The following RANBP2 variants were observed in gnomAD, a reference collection of about 807,000 sequenced individuals.
The protein encoded by RANBP2 is E3 SUMO-protein ligase RanBP2.
Under a neutral mutation model 303.6 loss-of-function variants are expected in RANBP2, and 57 were observed. That is an observed-to-expected ratio of 0.19 (90% CI 0.15 to 0.23). The LOEUF (loss-of-function observed/expected upper bound fraction) is 0.23, where lower values mean the gene tolerates loss of function less well. Among genes scored for constraint, RANBP2 ranks in the 10% least tolerant of loss-of-function variants. The pLI is 1.00. For missense variants in RANBP2, 3,138 were observed against 3,780.8 expected (o/e 0.83, Z 4.46); for synonymous variants, 1,167 against 1,301.5 (o/e 0.90, Z 2.23).
chr2:109,293,769 C>T, the RANBP2 span, among the ~76,000 whole-genome samples: 14 of 152,170 alleles, frequency 9.2e-5, no homozygotes, highest in Admixed American at 9.2e-4. Context: ...CAGGGTGCAC[C>T]CTCTCCCAGC....
At chr2:109,184,442 G>C in the RANBP2 span, among the ~76,000 whole-genome samples, 2 of 152,344 alleles carry the variant, frequency 1.3e-5, no homozygotes. Context: ...CTATTGCTGT[G>C]GCGGGGCCCT....
the RANBP2 span, among the ~76,000 whole-genome samples, chr2:109,175,759 A>C: frequency 2.0e-5 from 3 of 152,248 alleles, no homozygotes; most frequent in Admixed American, 6.5e-5. Flanking sequence ...GTGTAATTGT[A>C]ATCTATTGGC....
chr2:109,279,661 T>A, the RANBP2 span, among the ~76,000 whole-genome samples: 1 of 152,240 alleles, frequency 6.6e-6, no homozygotes, highest in Non-Finnish European at 1.5e-5. Flanking sequence ...CACTGTTTCC[T>A]TTTGGAATTC....
the RANBP2 span, among the ~76,000 whole-genome samples, chr2:108,921,889 C>T: frequency 1.3e-5 from 2 of 152,258 alleles, no homozygotes; most frequent in Non-Finnish European, 2.9e-5. Flanking sequence ...TCTCTGCTGA[C>T]CTCCTTCAGG....
chr2:108,910,550 G>T, the RANBP2 span: 2 of 1,605,962 alleles, frequency 1.2e-6, no homozygotes, highest in South Asian at 1.1e-5. Flanking sequence ...GAAATGGGGA[G>T]GTTGGGGAGA....
the RANBP2 span, among the ~76,000 whole-genome samples, chr2:108,908,507 G>A: frequency 2.6e-5 from 4 of 152,166 alleles, no homozygotes; most frequent in Non-Finnish European, 5.9e-5. Flanking sequence ...CCTTGTGCCT[G>A]GAAAGCCCCC....
chr2:109,472,713 A>G, the RANBP2 span, among the ~76,000 whole-genome samples: 1 of 152,200 alleles, frequency 6.6e-6, no homozygotes, highest in Non-Finnish European at 1.5e-5. Flanking sequence ...AGGAGGCCAG[A>G]TTTTACAGAG....
chr2:108,879,155 A>G, the RANBP2 span, among the ~76,000 whole-genome samples: 14 of 152,332 alleles, frequency 9.2e-5, no homozygotes, highest in African/African-American at 2.9e-4. Context: ...AATTTTCTGT[A>G]GAGACAGGGT....
chr2:109,544,768 T>C, the RANBP2 span: 1 of 819,358 alleles, frequency 1.2e-6, no homozygotes, highest in Non-Finnish European at 1.5e-6. Flanking sequence ...AATACAGCTT[T>C]TATACTATTT....
At chr2:108,871,998 C>G in the RANBP2 span, among the ~76,000 whole-genome samples, 1 of 152,140 alleles carries the variant, frequency 6.6e-6, no homozygotes. Flanking sequence ...TAATTCCCCT[C>G]TCTCACACGT....
At position 108,764,334 on chromosome 2, in the gene RANBP2, A is replaced by G. The variant is rs748021677; in HGVS notation, c.3795A>G (p.Val1265=). Residue 1265 remains valine, a synonymous_variant, in exon 20 of 29, where the codon GTA becomes GTG. Coordinates refer to ENST00000283195, the MANE Select transcript of RANBP2 (RefSeq NM_006267.5). ...TPNAGSDRSF[V]WHALDYADEL... ...ATGCTGGATCAGACAGATCTTTTGT[A>G]TGGCATGCCCTTGATTATGCAGATG... is the stretch of plus-strand genomic sequence containing the variant. 1.9e-6 allele frequency: 3 copies of G among 1,613,802 alleles called. No homozygotes were observed. The highest frequency in any genetic ancestry group is 2.5e-6 in the Non-Finnish European group (3 of 1,179,988).
At chr2:109,108,274 C>T in the RANBP2 span, among the ~76,000 whole-genome samples, 18 of 151,756 alleles carry the variant, frequency 1.2e-4, 2 homozygotes, top group East Asian at 5.9e-4. Context: ...CTCTTGACCT[C>T]GTTATCCGCC....
chr2:109,758,435 A>G, the RANBP2 span, among the ~76,000 whole-genome samples: 18 of 136,396 alleles, frequency 1.3e-4, no homozygotes, highest in South Asian at 4.1e-3. Flanking sequence ...AATCCTCACA[A>G]TAAGTGTGCT....
chr2:109,086,236 C>T, the RANBP2 span, among the ~76,000 whole-genome samples: 6 of 152,038 alleles, frequency 3.9e-5, no homozygotes, highest in Admixed American at 2.0e-4. Flanking sequence ...GCTGAGCACT[C>T]GGGTGCAGGT....
At chr2:109,219,311 A>G in the RANBP2 span, among the ~76,000 whole-genome samples, 2 of 151,758 alleles carry the variant, frequency 1.3e-5, no homozygotes, top group Non-Finnish European at 2.9e-5. Context: ...GTGTAATTAC[A>G]TAAGGTTTCT....
the RANBP2 span, among the ~76,000 whole-genome samples, chr2:109,254,681 C>T: frequency 2.0e-5 from 3 of 152,160 alleles, no homozygotes; most frequent in Non-Finnish European, 4.4e-5. Flanking sequence ...AGCTGTACCC[C>T]CTAATGTTGG....
chr2:109,114,430 G>T, the RANBP2 span, among the ~76,000 whole-genome samples: 1 of 152,146 alleles, frequency 6.6e-6, no homozygotes, highest in Non-Finnish European at 1.5e-5. Flanking sequence ...AGAGGTGTTT[G>T]TAGTATTCTC....
At chr2:109,355,489 A>T in the RANBP2 span, among the ~76,000 whole-genome samples, 1 of 152,250 alleles carries the variant, frequency 6.6e-6, no homozygotes, top group Non-Finnish European at 1.5e-5. Context: ...AACTGCTGTC[A>T]TGCTACAATG....
chr2:108,846,369 T>C, the RANBP2 span, among the ~76,000 whole-genome samples: 1 of 152,150 alleles, frequency 6.6e-6, no homozygotes, highest in African/African-American at 2.4e-5. Context: ...ATACATATAT[T>C]TGATTTAATA....
Sources: gnomAD v4.1 joint callset for allele counts (sites outside exome capture counted in the v4.1 genomes callset) on GRCh38, gnomAD v4.1.1 for gene constraint, MANE v1.5 for transcripts, NCBI Gene and HGNC (gene_info 2026-07-23, HGNC 2026-07-21) for gene names.